The following DYNC1I2 variants were observed in gnomAD, a reference collection of about 807,000 sequenced individuals.
DYNC1I2 encodes cytoplasmic dynein 1 intermediate chain 2.
A neutral mutation model predicts 88.6 loss-of-function variants in DYNC1I2; 53 were observed. The ratio of observed to expected loss-of-function variants is 0.60; its 90% CI spans 0.48 to 0.75. The LOEUF (loss-of-function observed/expected upper bound fraction) is 0.75, where lower values mean the gene tolerates loss of function less well. DYNC1I2 is among the 30% of genes least tolerant of loss of function. The pLI, the probability that DYNC1I2 is intolerant of heterozygous loss-of-function variation, is 0.00. For synonymous variants in DYNC1I2, 198 were observed against 254.6 expected (o/e 0.78, Z 2.12); for missense variants, 458 against 766.6 (o/e 0.60, Z 4.75).
At chr2:171,744,564 A>T (rs1321957091) in intron 16 of DYNC1I2, among the ~76,000 whole-genome samples, 1 of 152,232 alleles carries the variant, frequency 6.6e-6, no homozygotes, top group Non-Finnish European at 1.5e-5. Flanking sequence ...ATTATCTCTT[A>T]GCCTTGATAG....
chr2:171,707,189 T>G (rs1270283586), intron 4 of DYNC1I2, 98 bp from the exon 5 acceptor site: 2 of 1,565,452 alleles, frequency 1.3e-6, no homozygotes, highest in African/African-American at 2.8e-5. Flanking sequence ...GTTTTTTTCT[T>G]TTTTGTTAAT....
intron 2 of DYNC1I2, 102 bp from the exon 3 acceptor site, chr2:171,692,675 A>C (rs967985346): frequency 1.4e-6 from 1 of 720,500 alleles, no homozygotes; most frequent in African/African-American, 1.8e-5. Flanking sequence ...AACTAAGTTC[A>C]TGCCTTAAAA....
chr2:171,694,095 T>C (rs2105465643), intron 3 of DYNC1I2, among the ~76,000 whole-genome samples: 1 of 151,888 alleles, frequency 6.6e-6, no homozygotes, highest in Admixed American at 6.6e-5. Flanking sequence ...TGGAGTGCAG[T>C]GGCACAATCT....
intron 3 of DYNC1I2, among the ~76,000 whole-genome samples, chr2:171,694,433 G>A (rs558174489): frequency 1.1e-4 from 16 of 152,186 alleles, no homozygotes; most frequent in Admixed American, 3.3e-4. Flanking sequence ...CGAGGTGGGC[G>A]GATCACCTGA....
At chr2:171,740,919 TAGAA>T (rs1212896998) in intron 15 of DYNC1I2, among the ~76,000 whole-genome samples, 3 of 152,152 alleles carry the variant, frequency 2.0e-5, no homozygotes, top group South Asian at 2.1e-4. Context: ...TTTCAAATTT[TAGAA>T]AGAAAAATTA....
chr2:171,695,342 G>T (rs917124037), intron 3 of DYNC1I2, among the ~76,000 whole-genome samples: 1 of 151,968 alleles, frequency 6.6e-6, no homozygotes, highest in African/African-American at 2.4e-5. Flanking sequence ...CTCATGATCC[G>T]CCTTCTTCGG....
At position 171,748,655 on chromosome 2, in the gene DYNC1I2, T is replaced by G. The variant is rs1398669132; in HGVS notation, c.*766T>G. The stretch of plus-strand genomic sequence containing the variant: ...GGTTAACTTTTGCTTTACTACTTTA[T>G]ATTCTTTCCATCTAAGACATATTTC... On this transcript the variant is annotated 3_prime_UTR_variant, in exon 18 of 18. Transcript: ENST00000397119. Among the ~76,000 whole-genome samples the G allele has an allele frequency of 4.6e-5, 7 of 152,218 alleles. No homozygotes were observed. Among genetic ancestry groups the G allele is most frequent in the Non-Finnish European group, 1.0e-4 (7 of 68,028 alleles).
intron 3 of DYNC1I2, chr2:171,693,154 A>G (rs962107579): frequency 6.6e-5 from 26 of 395,410 alleles, no homozygotes; most frequent in Non-Finnish European, 9.8e-5. Flanking sequence ...ATTTATTTCA[A>G]CAAACATTGG....
At position 171,749,958 on chromosome 2, in the gene DYNC1I2, T is replaced by C. The variant is rs1459053340; in HGVS notation, c.*2069T>C. 6.6e-6 allele frequency among the ~76,000 whole-genome samples: 1 copy of C among 152,164 alleles called. No individual in the cohort carries two copies. The highest frequency in any genetic ancestry group is 1.5e-5 in the Non-Finnish European group (1 of 68,012). Reference sequence around the variant, plus strand: ...CTAAAAGCCTTATAATTTTGAAAAATATCCAGTTACAGAAATTGTACCTTA... The same window carrying C: ...CTAAAAGCCTTATAATTTTGAAAAACATCCAGTTACAGAAATTGTACCTTA... On this transcript the variant is annotated 3_prime_UTR_variant, in exon 18 of 18. Coordinates refer to ENST00000397119, the MANE Select transcript of DYNC1I2 (RefSeq NM_001378.3).
In DYNC1I2 at chr2:171,726,776, G is replaced by T; in HGVS notation, c.871-15G>T. 6.2e-7 allele frequency: 1 copy of T among 1,610,228 alleles called. No individual in the cohort carries two copies. The highest frequency in any genetic ancestry group is 1.1e-5 in the South Asian group (1 of 90,428). On this transcript the variant is annotated splice_polypyrimidine_tract_variant and intron_variant, in intron 10 of 17. Transcript: ENST00000397119. ...TATGCATAGCATTTCTTTTCTTCTT[G>T]ATTCTTCTGAGCAGTATCCGGAGTT...
intron 5 of DYNC1I2, 54 bp downstream of exon 5, chr2:171,707,431 A>C: frequency 6.9e-7 from 1 of 1,458,646 alleles, no homozygotes; most frequent in South Asian, 1.3e-5. Flanking sequence ...CAGTGCCCAA[A>C]TACTGTTGAT....
At chr2:171,720,523 C>T (rs192689867) in intron 7 of DYNC1I2, among the ~76,000 whole-genome samples, 33 of 152,212 alleles carry the variant, frequency 2.2e-4, no homozygotes, top group African/African-American at 7.0e-4. Context: ...CACCAGAGGT[C>T]AGAAGTTTGA....
chr2:171,715,508 T>C (rs2105604853), intron 7 of DYNC1I2, 65 bp downstream of exon 7: 2 of 1,070,604 alleles, frequency 1.9e-6, no homozygotes, highest in Admixed American at 5.8e-5. Context: ...ATTCTTTTTT[T>C]CTTCCTTTGA....
In DYNC1I2 at chr2:171,726,881, A is replaced by G; in HGVS notation, c.961A>G (p.Lys321Glu). 1 of 1,610,476 alleles carries G rather than the reference A, an allele frequency of 6.2e-7. No homozygotes were observed. Among genetic ancestry groups the G allele is most frequent in the Non-Finnish European group, 8.5e-7 (1 of 1,178,114 alleles). The change falls in exon 11 of 18, where the codon AAA (lysine) becomes GAA (glutamate). Residue 321 changes from lysine (K) to glutamate (E), a missense_variant. By Grantham distance (56) the Lys-to-Glu change is moderately conservative. Coordinates refer to ENST00000397119, the MANE Select transcript of DYNC1I2 (RefSeq NM_001378.3). ...GVALVWNMKY[K>E]KTTPEYVFHC... is the part of the protein sequence containing the mutation. ...GGCCCTTGTATGGAATATGAAATAC[A>G]AAAAAACTACCCCAGAGTATGTGTT...
At chr2:171,706,799 A>C (rs1010401466) in intron 4 of DYNC1I2, 5 of 451,136 alleles carry the variant, frequency 1.1e-5, no homozygotes, top group African/African-American at 8.1e-5. Context: ...TTTTGAAAGA[A>C]AAAATTATTA....
At chr2:171,739,048 A>G (rs1398615215) in intron 15 of DYNC1I2, among the ~76,000 whole-genome samples, 1 of 150,290 alleles carries the variant, frequency 6.7e-6, no homozygotes. Flanking sequence ...CTCGGGAGGC[A>G]GAGGTTGCAG....
intron 7 of DYNC1I2, among the ~76,000 whole-genome samples, chr2:171,722,896 G>A (rs1687992827): frequency 6.6e-6 from 1 of 152,024 alleles, no homozygotes. Flanking sequence ...GAAAGGGAGG[G>A]TATGTACTTT....
chr2:171,718,119 G>C (rs1422986168), intron 7 of DYNC1I2, among the ~76,000 whole-genome samples: 1 of 151,948 alleles, frequency 6.6e-6, no homozygotes, highest in Non-Finnish European at 1.5e-5. Context: ...ACCACTGCCA[G>C]CTAATCTTTG....
intron 1 of DYNC1I2, chr2:171,687,992 G>A (rs567628627): frequency 6.6e-6 from 1 of 152,510 alleles, no homozygotes; most frequent in Non-Finnish European, 1.5e-5. Flanking sequence ...GAGGAAAGGC[G>A]GGGAGACCTG....
Sources: gnomAD v4.1 joint callset for allele counts (sites outside exome capture counted in the v4.1 genomes callset) on GRCh38, gnomAD v4.1.1 for gene constraint, MANE v1.5 for transcripts, NCBI Gene and HGNC (gene_info 2026-07-23, HGNC 2026-07-21) for gene names.